The following CTNNA3 variants were observed in gnomAD, a reference collection of about 807,000 sequenced individuals.
The protein encoded by CTNNA3 is catenin alpha-3.
A neutral mutation model predicts 95.7 loss-of-function variants in CTNNA3; 76 were observed. The ratio of observed to expected loss-of-function variants is 0.79; its 90% confidence interval spans 0.66 to 0.96. The LOEUF is 0.96. CTNNA3 is among the 40% of genes least tolerant of loss of function. The pLI is 0.00. For missense variants in CTNNA3, 1,191 were observed against 1,089.8 expected (o/e 1.09, Z -1.31); for synonymous variants, 431 against 374.4 (o/e 1.15, Z -1.74).
intron 6 of CTNNA3, among the ~76,000 whole-genome samples, chr10:67,193,035 T>C (rs1863189881): frequency 6.6e-6 from 1 of 151,944 alleles, no homozygotes; most frequent in Non-Finnish European, 1.5e-5. Flanking sequence ...ATACCACTTA[T>C]ATGTAAAATC....
intron 7 of CTNNA3, chr10:67,176,942 T>C (rs917083910): frequency 3.9e-6 from 2 of 507,904 alleles, no homozygotes; most frequent in Non-Finnish European, 7.9e-6. Flanking sequence ...AACAATTTGA[T>C]TTTTACTCCA....
chr10:67,711,249 A>G (rs1278271265), intron 1 of CTNNA3, among the ~76,000 whole-genome samples: 1 of 152,220 alleles, frequency 6.6e-6, no homozygotes, highest in African/African-American at 2.4e-5. Flanking sequence ...CATTACTGAA[A>G]AGATACCCAA....
chr10:67,707,382 T>C (rs1250188035), intron 1 of CTNNA3, among the ~76,000 whole-genome samples: 1 of 152,152 alleles, frequency 6.6e-6, no homozygotes, highest in Non-Finnish European at 1.5e-5. Context: ...TGACTCCAGA[T>C]ATACTCTCTA....
intron 10 of CTNNA3, among the ~76,000 whole-genome samples, chr10:66,605,138 A>G (rs968300738): frequency 1.3e-5 from 2 of 152,190 alleles, no homozygotes; most frequent in African/African-American, 2.4e-5. Context: ...GCTAAAAAAC[A>G]CACTACAAGA....
chr10:66,800,549 C>T (rs1198878775), intron 7 of CTNNA3, among the ~76,000 whole-genome samples: 1 of 150,344 alleles, frequency 6.7e-6, no homozygotes, highest in Non-Finnish European at 1.5e-5. Flanking sequence ...CAAAATAAGG[C>T]AAAAGAAACT....
rs531083977 is a variant in CTNNA3, at chr10:66,285,830, T to C, written c.1733-5209A>G. On this transcript the variant is annotated intron_variant, in intron 12 of 17. Coordinates refer to ENST00000433211, the MANE Select transcript of CTNNA3 (RefSeq NM_013266.4). ...TAGAAAGTGGCATTAAGCATATGAA[T>C]AAGAAGTTCGTGCAACTGTTTTGGT... is the stretch of plus-strand genomic sequence containing the variant. Among the ~76,000 whole-genome samples, 4 of 152,054 alleles carry C rather than the reference T, an allele frequency of 2.6e-5. No individual in the cohort carries two copies. In the South Asian group the frequency reaches 8.3e-4, roughly 32 times the overall value.
At chr10:66,153,928 G>C (rs2084342383) in intron 13 of CTNNA3, among the ~76,000 whole-genome samples, 1 of 151,274 alleles carries the variant, frequency 6.6e-6, no homozygotes, top group South Asian at 2.1e-4. Flanking sequence ...GTTTATAGTT[G>C]TGATCTGTTG....
At chr10:66,379,103 T>G in intron 12 of CTNNA3, 49 bp downstream of exon 12, 2 of 1,433,900 alleles carry the variant, frequency 1.4e-6, no homozygotes, top group South Asian at 2.3e-5. Context: ...CGTAGCTATG[T>G]AGATTCAAAT....
chr10:67,154,409 G>C (rs1286005098), intron 7 of CTNNA3, among the ~76,000 whole-genome samples: 2 of 152,074 alleles, frequency 1.3e-5, no homozygotes, highest in Non-Finnish European at 2.9e-5. Flanking sequence ...TTCAACTTCA[G>C]CAGGAGTCAT....
chr10:67,618,956 C>T (rs1480912221), intron 2 of CTNNA3, among the ~76,000 whole-genome samples: 1 of 152,148 alleles, frequency 6.6e-6, no homozygotes, highest in Non-Finnish European at 1.5e-5. Context: ...ACCATAGTCT[C>T]TCAATTCTAA....
intron 11 of CTNNA3, among the ~76,000 whole-genome samples, chr10:66,411,677 A>T (rs558182196): frequency 6.6e-6 from 1 of 152,324 alleles, no homozygotes; most frequent in East Asian, 1.9e-4. Context: ...CAGCAAGTAG[A>T]TAAGGACTAT....
intron 7 of CTNNA3, among the ~76,000 whole-genome samples, chr10:66,885,663 T>G (rs1351959963): frequency 6.6e-6 from 1 of 152,106 alleles, no homozygotes; most frequent in African/African-American, 2.4e-5. Flanking sequence ...GTGGCAAGTC[T>G]CTAGACCAAG....
intron 14 of CTNNA3, among the ~76,000 whole-genome samples, chr10:66,081,735 C>A (rs1414315734): frequency 1.3e-5 from 2 of 152,132 alleles, no homozygotes; most frequent in African/African-American, 2.4e-5. Flanking sequence ...GCAAACACCA[C>A]AGTAATTATT....
intron 7 of CTNNA3, among the ~76,000 whole-genome samples, chr10:67,009,425 T>C (rs1852189888): frequency 6.6e-6 from 1 of 152,168 alleles, no homozygotes; most frequent in African/African-American, 2.4e-5. Context: ...ATGAAAGCTT[T>C]CGTGTTTCTC....
At chr10:67,581,931 T>C (rs990892980) in intron 3 of CTNNA3, among the ~76,000 whole-genome samples, 12 of 152,280 alleles carry the variant, frequency 7.9e-5, no homozygotes, top group East Asian at 5.8e-4. Context: ...TTTATGCATC[T>C]ATTTGATTCT....
At chr10:66,520,279 T>C (rs1397225030) in intron 11 of CTNNA3, among the ~76,000 whole-genome samples, 1 of 128,658 alleles carries the variant, frequency 7.8e-6, no homozygotes, top group Non-Finnish European at 1.6e-5. Context: ...TGAGATAGAG[T>C]CTAGCTCTGT....
chr10:66,264,366 A>G (rs1276212830), intron 13 of CTNNA3, among the ~76,000 whole-genome samples: 1 of 151,978 alleles, frequency 6.6e-6, no homozygotes, highest in Admixed American at 6.6e-5. Context: ...CCTCTAAAAT[A>G]TGTTTTGAAT....
chr10:67,224,913 A>G (rs1242092003), intron 5 of CTNNA3, among the ~76,000 whole-genome samples: 1 of 151,914 alleles, frequency 6.6e-6, no homozygotes, highest in African/African-American at 2.4e-5. Flanking sequence ...CAGCATGCAG[A>G]CTCCACAGCG....
At chr10:66,027,301 T>C (rs1222743281) in intron 15 of CTNNA3, among the ~76,000 whole-genome samples, 1 of 152,190 alleles carries the variant, frequency 6.6e-6, no homozygotes, top group Non-Finnish European at 1.5e-5. Flanking sequence ...AGTTTAGTGA[T>C]CATTTTATTA....
Sources: allele counts gnomAD v4.1 joint callset (sites outside exome capture counted in the v4.1 genomes callset), GRCh38; gene constraint gnomAD v4.1.1; transcripts MANE v1.5; gene names NCBI Gene and HGNC (gene_info 2026-07-23, HGNC 2026-07-21).